Variants in PDE11A observed in about 807,000 individuals in gnomAD.
The protein encoded by PDE11A is phosphodiesterase 11A, also known as dual 3',5'-cyclic-AMP and -GMP phosphodiesterase 11A.
Under a neutral mutation model 100.5 loss-of-function variants are expected in PDE11A, and 100 were observed. That is an observed-to-expected ratio of 1.00 (90% confidence interval 0.85 to 1.18). PDE11A has a LOEUF of 1.18. PDE11A is among the 50% of genes most tolerant of loss of function. The probability of loss-of-function intolerance (pLI) is 0.00; values close to 1 mark genes in which losing one functional copy is unlikely to be tolerated. For synonymous variants in PDE11A, 381 were observed against 420.8 expected, an observed-to-expected ratio of 0.91 and a Z score of 1.16; for missense variants, 1,141 against 1,152.6, an observed-to-expected ratio of 0.99 and a Z score of 0.15.
At chr2:178,003,603 T>C (rs2086170395) in intron 2 of PDE11A, among the ~76,000 whole-genome samples, 3 of 152,042 alleles carry the variant, frequency 2.0e-5, no homozygotes. Flanking sequence ...TGACTGCTAA[T>C]GGGTATAGGG....
intron 6 of PDE11A, among the ~76,000 whole-genome samples, chr2:177,825,634 G>A (rs923609244): frequency 5.3e-5 from 8 of 152,118 alleles, no homozygotes; most frequent in East Asian, 1.9e-4. Context: ...GATGTCTAAC[G>A]AATAAATTCC....
intron 9 of PDE11A, among the ~76,000 whole-genome samples, chr2:177,771,605 T>C (rs13421315): frequency 0.32 from 48,034 of 152,040 alleles, 8,794 homozygotes; most frequent in African/African-American, 0.49. Context: ...TAACAAGGAG[T>C]CTACTTTTAA....
chr2:177,817,991 A>T (rs2083071416), intron 7 of PDE11A, 66 bp from the exon 8 acceptor site: 2 of 805,134 alleles, frequency 2.5e-6, no homozygotes, highest in Non-Finnish European at 4.5e-6. Flanking sequence ...CTAATAGAGT[A>T]GCCACAGCTA....
intron 4 of PDE11A, 112 bp downstream of exon 4, chr2:177,897,946 G>A: frequency 1.1e-6 from 1 of 902,898 alleles, no homozygotes; most frequent in Non-Finnish European, 1.8e-6. Flanking sequence ...CCCCATGGTT[G>A]AAGAGTCACG....
intron 12 of PDE11A, 116 bp downstream of exon 12, chr2:177,727,542 G>C: frequency 1.3e-6 from 1 of 758,972 alleles, no homozygotes; most frequent in African/African-American, 1.7e-5. Flanking sequence ...GGGTAGGTAA[G>C]TTCCAACATA....
At chr2:178,024,306 G>A (rs1035043026) in intron 1 of PDE11A, among the ~76,000 whole-genome samples, 1 of 152,074 alleles carries the variant, frequency 6.6e-6, no homozygotes, top group Admixed American at 6.5e-5. Context: ...CAGCTACTCG[G>A]GAGGCCGAGG....
upstream of PDE11A, among the ~76,000 whole-genome samples, chr2:178,076,687 T>C (rs1350960467): frequency 6.6e-6 from 1 of 152,246 alleles, no homozygotes; most frequent in Non-Finnish European, 1.5e-5. Flanking sequence ...CTGAGCATCA[T>C]CAAATATGTA....
intron 2 of PDE11A, among the ~76,000 whole-genome samples, chr2:177,992,293 T>C (rs564265446): frequency 6.6e-6 from 1 of 151,492 alleles, no homozygotes; most frequent in African/African-American, 2.4e-5. Context: ...TCAAACAGTA[T>C]ATAAATTAAT....
intron 2 of PDE11A, among the ~76,000 whole-genome samples, chr2:177,937,102 T>C (rs2085284477): frequency 6.6e-6 from 1 of 152,172 alleles, no homozygotes; most frequent in Non-Finnish European, 1.5e-5. Context: ...AAGAACGTTG[T>C]ACGTGCTTTT....
At chr2:178,094,967 C>G (rs1344344181) in intron 2 of PDE11A, among the ~76,000 whole-genome samples, 1 of 152,186 alleles carries the variant, frequency 6.6e-6, no homozygotes, top group Non-Finnish European at 1.5e-5. Flanking sequence ...CAGGTCCCTC[C>G]CTCCACACGT....
chr2:177,675,518 T>G lies in PDE11A; in HGVS notation c.2424A>C (p.Arg808=). 1 of 1,612,972 alleles carries G rather than the reference T, an allele frequency of 6.2e-7. No individual in the cohort carries two copies. The highest frequency in any genetic ancestry group is 8.5e-7 in the Non-Finnish European group (1 of 1,179,138). The change falls in exon 17 of 20, where the codon CGA becomes CGC. Residue 808 remains arginine, a splice_region_variant and synonymous_variant. Transcript: ENST00000286063. ...WNIKNHRDIF[R]SMLMTACDLG... is the part of the protein sequence containing the mutation. ...GGTCACAGGCTGTCATTAACATTGATCTGAAAAACAGAACCAAACAAAACA... is the reference window on the plus strand; with the variant it reads ...GGTCACAGGCTGTCATTAACATTGAGCTGAAAAACAGAACCAAACAAAACA...
intron 13 of PDE11A, among the ~76,000 whole-genome samples, chr2:177,710,362 G>A (rs552593021): frequency 9.1e-4 from 138 of 152,094 alleles, no homozygotes; most frequent in African/African-American, 3.0e-3. Flanking sequence ...TGAGTGGTGC[G>A]GGGGAGGCGG....
intron 6 of PDE11A, among the ~76,000 whole-genome samples, chr2:177,838,173 G>C (rs1440825307): frequency 1.3e-5 from 2 of 152,118 alleles, no homozygotes; most frequent in African/African-American, 2.4e-5. Context: ...GAGGCAGGTA[G>C]ATCCCTCTCA....
chr2:177,806,948 A>G (rs116699981), intron 9 of PDE11A, among the ~76,000 whole-genome samples: 1,951 of 152,280 alleles, frequency 0.013, 41 homozygotes, highest in African/African-American at 0.044. Flanking sequence ...TTGATTCAAC[A>G]TATACGTAAC....
intron 2 of PDE11A, among the ~76,000 whole-genome samples, chr2:178,007,680 T>A (rs1328526600): frequency 6.6e-6 from 1 of 152,082 alleles, no homozygotes; most frequent in Admixed American, 6.6e-5. Flanking sequence ...ATGACCGACT[T>A]TTAATTATTA....
intron 1 of PDE11A, chr2:178,018,556 A>G: frequency 2.7e-6 from 1 of 367,720 alleles, no homozygotes; most frequent in South Asian, 2.3e-5. Flanking sequence ...TCCACTAACA[A>G]TAAAAAGGAA....
intron 2 of PDE11A, among the ~76,000 whole-genome samples, chr2:178,098,978 G>C (rs139397661): frequency 6.6e-6 from 1 of 152,262 alleles, no homozygotes; most frequent in East Asian, 1.9e-4. Context: ...CCATTTATTA[G>C]CATAGAATCC....
chr2:177,631,985 G>T (rs933958037), intron 19 of PDE11A, among the ~76,000 whole-genome samples: 1 of 152,104 alleles, frequency 6.6e-6, no homozygotes, highest in Non-Finnish European at 1.5e-5. Flanking sequence ...TCCATCACAG[G>T]AGGAAGGTAA....
intron 10 of PDE11A, among the ~76,000 whole-genome samples, chr2:177,738,471 G>T (rs190098852): frequency 6.6e-6 from 1 of 152,174 alleles, no homozygotes; most frequent in East Asian, 1.9e-4. Flanking sequence ...GTTTAGAGAC[G>T]TAAGATACGA....
Sources: allele counts gnomAD v4.1 joint callset (sites outside exome capture counted in the v4.1 genomes callset), GRCh38; gene constraint gnomAD v4.1.1; transcripts MANE v1.5; gene names NCBI Gene and HGNC (gene_info 2026-07-23, HGNC 2026-07-21).